FZR1: variants seen among roughly 807,000 people sequenced by gnomAD.
FZR1 encodes the protein fizzy and cell division cycle 20 related 1.
In FZR1, 11 loss-of-function variants were observed where a neutral mutation model predicts 63.6. The observed-to-expected ratio is 0.17, with a 90% CI of 0.11 to 0.29. The LOEUF is 0.29. FZR1 is among the 10% of genes least tolerant of loss of function. The pLI is 1.00. For synonymous variants in FZR1, 328 were observed against 297.9 expected, an observed-to-expected ratio of 1.10 and a Z score of -1.04; for missense variants, 440 against 687.5, an observed-to-expected ratio of 0.64 and a Z score of 4.03.
chr19:3,531,558 T>G (rs2083247628), intron 8 of FZR1, among the ~76,000 whole-genome samples, 156 bp from the exon 9 acceptor site: 1 of 151,656 alleles, frequency 6.6e-6, no homozygotes, highest in Non-Finnish European at 1.5e-5. Flanking sequence ...CTGAGGGGGG[T>G]TTATGCTTCT....
At chr19:3,524,517 G>A (rs1188581404) in intron 2 of FZR1, among the ~76,000 whole-genome samples, 1 of 152,244 alleles carries the variant, frequency 6.6e-6, no homozygotes, top group African/African-American at 2.4e-5. Flanking sequence ...TCAAGGCCAT[G>A]ACTGCGTCAC....
intron 1 of FZR1, among the ~76,000 whole-genome samples, chr19:3,522,425 T>C (rs1473857944): frequency 1.3e-5 from 2 of 152,136 alleles, no homozygotes; most frequent in African/African-American, 4.8e-5. Context: ...TGTAGCTGAG[T>C]GCGGATGTGG....
In FZR1 at chr19:3,526,500, G is replaced by T. The variant is rs2286544; in HGVS notation, c.387+114G>T. ...GAGCCCGGTTCTCGGGCCCAGCCAC[G>T]GCTCAGCACCCCCGCCCTGACCCTG... On this transcript the variant is annotated intron_variant, in intron 5 of 13. Transcript: ENST00000441788. This position sits in a 1 kb window ranked among gnomAD's most constrained non-coding sequence, Gnocchi z 5.4. The T allele has an allele frequency of 2.2e-5, 18 of 800,208 alleles. No homozygotes were observed. Among genetic ancestry groups the T allele is most frequent in the Non-Finnish European group, 3.6e-5 (18 of 498,782 alleles). The allele number at this position is 800,208 out of a possible 1,614,324, so 49.6% of individuals were successfully genotyped here.
In FZR1 at chr19:3,527,730, C is replaced by T; in HGVS notation, c.570C>T (p.Leu190=). Residue 190 remains leucine, a synonymous_variant, in exon 7 of 14, where the codon CTC becomes CTT. Coordinates refer to ENST00000441788, the MANE Select transcript of FZR1 (RefSeq NM_016263.4). The part of the protein sequence containing the change: ...DAPELQDDFY[L]NLVDWSSLNV... Reference sequence around the variant, plus strand: ...CCGAGCTGCAGGACGACTTCTACCTCAATCTGGTGGACTGGTCGTCCCTCA... The same window carrying T: ...CCGAGCTGCAGGACGACTTCTACCTTAATCTGGTGGACTGGTCGTCCCTCA... 1 of 1,612,700 alleles carries T rather than the reference C, an allele frequency of 6.2e-7. No individual in the cohort carries two copies. Among genetic ancestry groups the T allele is most frequent in the East Asian group, 2.2e-5 (1 of 44,882 alleles).
chr19:3,521,823 C>T (rs943500928), intron 1 of FZR1, among the ~76,000 whole-genome samples: 1 of 150,782 alleles, frequency 6.6e-6, no homozygotes, highest in Non-Finnish European at 1.5e-5. Flanking sequence ...TAAACGTGTT[C>T]GAGATGGTAA....
chr19:3,526,233 C>A lies in FZR1; in HGVS notation c.260-26C>A. The A allele has an allele frequency of 6.2e-7, 1 of 1,611,838 alleles. No homozygotes were observed. Among genetic ancestry groups the A allele is most frequent in the Non-Finnish European group, 8.5e-7 (1 of 1,179,822 alleles). ...TGCAGGCCCCCACCCTGCCTTGCCC[C>A]GCCTCACTGTGCTTGGTGCCCGCAG... On this transcript the variant is annotated intron_variant, in intron 4 of 13. Coordinates refer to ENST00000441788, the MANE Select transcript of FZR1 (RefSeq NM_016263.4). This position sits in a 1 kb window ranked among gnomAD's most constrained non-coding sequence, Gnocchi z 5.4.
intron 13 of FZR1, 112 bp downstream of exon 13, chr19:3,534,625 CT>C: frequency 2.3e-6 from 2 of 878,496 alleles, no homozygotes; most frequent in Middle Eastern, 4.4e-4. Flanking sequence ...CACTTCCGAG[CT>C]TCCCTCACCT....
chr19:3,522,093 G>A (rs1414181822), intron 1 of FZR1, among the ~76,000 whole-genome samples: 1 of 152,210 alleles, frequency 6.6e-6, no homozygotes, highest in Non-Finnish European at 1.5e-5. Context: ...AGGGAGACCT[G>A]TCTACAAAAA....
chr19:3,516,141 G>A lies in FZR1; in HGVS notation c.-34-6815G>A, dbSNP rs997705426. Among the ~76,000 whole-genome samples the A allele has an allele frequency of 6.6e-5, 10 of 152,150 alleles. No individual in the cohort carries two copies. Among genetic ancestry groups the A allele is most frequent in the Admixed American group, 2.0e-4 (3 of 15,272 alleles). On this transcript the variant is annotated intron_variant, in intron 1 of 13. Transcript: ENST00000441788. The surrounding 1 kb of genome is among the most constrained non-coding windows in gnomAD (Gnocchi z 6.0). Reference sequence around the variant, plus strand: ...TGCCAAATTGCCTTCCTTTGAAGCCGTAGCAGTTTGCAGCTTCTGCCAACC... The same window carrying A: ...TGCCAAATTGCCTTCCTTTGAAGCCATAGCAGTTTGCAGCTTCTGCCAACC...
At chr19:3,507,679 G>A (rs1211351246) in intron 1 of FZR1, among the ~76,000 whole-genome samples, 1 of 152,232 alleles carries the variant, frequency 6.6e-6, no homozygotes, top group Non-Finnish European at 1.5e-5. Flanking sequence ...AGGGCAGCCT[G>A]CGGGGACTTT....
At position 3,537,558 on chromosome 19, in the gene FZR1, C is replaced by G. The variant is rs1167070861; in HGVS notation, c.*2722C>G. 1 of 152,576 alleles carries G rather than the reference C, an allele frequency of 6.6e-6. No homozygotes were observed. Among genetic ancestry groups the G allele is most frequent in the African/African-American group, 2.4e-5 (1 of 41,442 alleles). 9.5% of individuals were successfully genotyped at this position (152,576 alleles called of 1,614,324 possible). A position where few individuals can be genotyped will look rare whatever the true frequency, so the allele number is the denominator to read the frequency against. ...AGCCTGGCCCAGGGGGTGCTGGTGCCTCCCCGGGGTCTGGGCGGAGAGAAC... is the reference window on the plus strand; with the variant it reads ...AGCCTGGCCCAGGGGGTGCTGGTGCGTCCCCGGGGTCTGGGCGGAGAGAAC... On this transcript the variant is annotated 3_prime_UTR_variant, in exon 14 of 14. Coordinates refer to ENST00000441788, the MANE Select transcript of FZR1 (RefSeq NM_016263.4).
rs924337889 is a variant in FZR1, at chr19:3,533,831, A to G, written c.1347+433A>G. On this transcript the variant is annotated intron_variant, in intron 12 of 13. Coordinates refer to ENST00000441788, the MANE Select transcript of FZR1 (RefSeq NM_016263.4). This position sits in a 1 kb window ranked among gnomAD's most constrained non-coding sequence, Gnocchi z 4.9. Reference sequence around the variant, plus strand: ...AGATTTTGTTTCTTCCCTGAAAAACATGTTCTGTGCTTTCATCCGCGCATC... The same window carrying G: ...AGATTTTGTTTCTTCCCTGAAAAACGTGTTCTGTGCTTTCATCCGCGCATC... 9 of 183,070 alleles carry G rather than the reference A, an allele frequency of 4.9e-5. No individual in the cohort carries two copies. The highest frequency in any genetic ancestry group is 4.1e-4 in the Admixed American group (7 of 17,178). 11.3% of individuals were successfully genotyped at this position (183,070 alleles called of 1,614,324 possible). A position where few individuals can be genotyped will look rare whatever the true frequency, so the allele number is the denominator to read the frequency against.
intron 2 of FZR1, 31 bp downstream of exon 2, chr19:3,523,089 G>A (rs1568233504): frequency 7.3e-7 from 1 of 1,361,394 alleles, no homozygotes; most frequent in Admixed American, 1.7e-5. Context: ...CACCACTGTG[G>A]CTCCCCCTCC....
At chr19:3,531,669 G>T in intron 8 of FZR1, 45 bp from the exon 9 acceptor site, 1 of 1,391,318 alleles carries the variant, frequency 7.2e-7, no homozygotes, top group South Asian at 1.3e-5. Context: ...CACAGTCCCC[G>T]GGCCAGACCT....
intron 10 of FZR1, 81 bp from the exon 11 acceptor site, chr19:3,532,336 G>A: frequency 9.0e-7 from 1 of 1,109,924 alleles, no homozygotes; most frequent in Non-Finnish European, 1.3e-6. Context: ...GGGTGCCAGG[G>A]CAGGTCGTCA....
chr19:3,533,642 TTCA>T lies in FZR1; in HGVS notation c.1347+246_1347+248del. On this transcript the variant is annotated intron_variant, in intron 12 of 13. Transcript: ENST00000441788. The surrounding 1 kb of genome is among the most constrained non-coding windows in gnomAD (Gnocchi z 4.9). Reference sequence around the variant, plus strand: ...TGTCCTCCTGGAGGACCTTAGCTTCTTCATTTGTTTATTTTCCCCATAAAGAGG... The same window carrying T: ...TGTCCTCCTGGAGGACCTTAGCTTCTTTTGTTTATTTTCCCCATAAAGAGG... The T allele has an allele frequency of 2.0e-6, 1 of 497,952 alleles. No individual in the cohort carries two copies. The highest frequency in any genetic ancestry group is 3.5e-5 in the East Asian group (1 of 28,894). The allele number at this position is 497,952 out of a possible 1,614,324, so 30.8% of individuals were successfully genotyped here.
At position 3,530,808 on chromosome 19, in the gene FZR1, A is replaced by C; in HGVS notation, c.671A>C (p.Asp224Ala). ...TGCCTCCAGGTGACGCGGCTCTGTG[A>C]CCTCTCAGTGGAAGGGGACTCAGTG... is the stretch of plus-strand genomic sequence containing the variant. ...ACTSQVTRLC[D>A]LSVEGDSVTS... The change falls in exon 8 of 14, where the codon GAC (aspartate) becomes GCC (alanine). Residue 224 changes from aspartate to alanine, a missense_variant. Physicochemically the swap from Asp to Ala is moderately radical, Grantham distance 126 (BLOSUM62 -2). Coordinates refer to ENST00000441788, the MANE Select transcript of FZR1 (RefSeq NM_016263.4). 1 of 1,612,908 alleles carries C rather than the reference A, an allele frequency of 6.2e-7. No homozygotes were observed. The highest frequency in any genetic ancestry group is 8.5e-7 in the Non-Finnish European group (1 of 1,179,632).
Position 3,534,507 on chromosome 19 carries a change from G to A in FZR1, c.1434G>A (p.Ser478=), listed in dbSNP as rs34725352. ...GGAACGTCTTTAGCAAAACCCGTTCGACAAAGGTAAAGTGGGTCGGTATCA... is the reference window on the plus strand; with the variant it reads ...GGAACGTCTTTAGCAAAACCCGTTCAACAAAGGTAAAGTGGGTCGGTATCA... ...RFWNVFSKTR[S]TKESVSVLNL... The change falls in exon 13 of 14, where the codon TCG becomes TCA. Residue 478 remains serine, a synonymous_variant. Coordinates refer to ENST00000441788, the MANE Select transcript of FZR1 (RefSeq NM_016263.4). 198 of 1,603,092 alleles carry A rather than the reference G, an allele frequency of 1.2e-4. No individual in the cohort carries two copies. The highest frequency in any genetic ancestry group is 1.6e-4 in the Non-Finnish European group (185 of 1,173,464).
intron 1 of FZR1, among the ~76,000 whole-genome samples, chr19:3,520,824 G>A (rs1253627700): frequency 6.6e-6 from 1 of 152,266 alleles, no homozygotes; most frequent in Admixed American, 6.5e-5. Flanking sequence ...CGGGATGACA[G>A]GAGCAGCACC....
Sources: allele counts gnomAD v4.1 joint callset (sites outside exome capture counted in the v4.1 genomes callset), GRCh38; gene constraint gnomAD v4.1.1; non-coding constraint Gnocchi (gnomAD v3.1); transcripts MANE v1.5; gene names NCBI Gene and HGNC (gene_info 2026-07-23, HGNC 2026-07-21).